NKAIN2: variants seen among roughly 807,000 people sequenced by gnomAD.
NKAIN2 encodes sodium/potassium transporting ATPase interacting 2, also known as sodium/potassium-transporting ATPase subunit beta-1-interacting protein 2.
Under a neutral mutation model 32.6 loss-of-function variants are expected in NKAIN2, and 14 were observed. That is an observed-to-expected ratio of 0.43 (90% confidence interval 0.28 to 0.67). The LOEUF (loss-of-function observed/expected upper bound fraction) is 0.67. NKAIN2 is among the 30% of genes least tolerant of loss of function. NKAIN2 has a pLI of 0.17. For synonymous variants in NKAIN2, 80 were observed against 87.2 expected (o/e 0.92, Z 0.46); for missense variants, 198 against 258.3 (o/e 0.77, Z 1.60).
chr6:124,196,326 G>A (rs1372059252), intron 1 of NKAIN2, among the ~76,000 whole-genome samples: 2 of 152,014 alleles, frequency 1.3e-5, no homozygotes, highest in Non-Finnish European at 2.9e-5. Context: ...TGCTTTCCAG[G>A]TGGCATGTAC....
At chr6:124,797,169 CAA>C (rs563319426) in intron 5 of NKAIN2, among the ~76,000 whole-genome samples, 33,073 of 86,314 alleles carry the variant, frequency 0.38, 3,763 homozygotes, top group Non-Finnish European at 0.44. Flanking sequence ...TCCATGTTAG[CAA>C]AAAAAAAAAA....
intron 1 of NKAIN2, among the ~76,000 whole-genome samples, chr6:123,814,568 G>A (rs7759116): frequency 0.13 from 19,702 of 151,934 alleles, 2,738 homozygotes; most frequent in African/African-American, 0.35. Context: ...CTTTCTTTTC[G>A]TAAGAAAGAG....
intron 4 of NKAIN2, among the ~76,000 whole-genome samples, chr6:124,776,223 T>C (rs1778976935): frequency 6.6e-6 from 1 of 152,224 alleles, no homozygotes; most frequent in African/African-American, 2.4e-5. Context: ...CATTTTTGCA[T>C]AACTATGGAC....
At chr6:124,451,086 T>C (rs548847002) in intron 3 of NKAIN2, among the ~76,000 whole-genome samples, 1 of 152,260 alleles carries the variant, frequency 6.6e-6, no homozygotes, top group South Asian at 2.1e-4. Context: ...GCACACTATC[T>C]GTAAAGTAAT....
At chr6:124,133,134 C>T (rs2114275676) in intron 1 of NKAIN2, among the ~76,000 whole-genome samples, 1 of 152,332 alleles carries the variant, frequency 6.6e-6, no homozygotes, top group Non-Finnish European at 1.5e-5. Context: ...CCACTAAAGA[C>T]ACAGTTGGGG....
At chr6:124,201,577 C>A (rs891891597) in intron 1 of NKAIN2, among the ~76,000 whole-genome samples, 2 of 151,860 alleles carry the variant, frequency 1.3e-5, no homozygotes, top group African/African-American at 2.4e-5. Context: ...CCAAAAAAAT[C>A]AATAATTGAA....
intron 5 of NKAIN2, among the ~76,000 whole-genome samples, chr6:124,806,802 A>C (rs1425240802): frequency 2.0e-5 from 3 of 151,696 alleles, no homozygotes; most frequent in African/African-American, 7.3e-5. Context: ...AGATCTACCA[A>C]GCAAATGGAA....
intron 3 of NKAIN2, among the ~76,000 whole-genome samples, chr6:124,386,122 G>A (rs1467542547): frequency 6.6e-6 from 1 of 152,024 alleles, no homozygotes; most frequent in African/African-American, 2.4e-5. Flanking sequence ...GAGCCAAGTC[G>A]GGACTGTAAG....
intron 1 of NKAIN2, among the ~76,000 whole-genome samples, chr6:123,836,552 T>C (rs1317109159): frequency 6.6e-6 from 1 of 151,556 alleles, no homozygotes; most frequent in Non-Finnish European, 1.5e-5. Context: ...CACAAAAAAT[T>C]AGGTAAGATG....
At chr6:124,145,139 A>G (rs1032106198) in intron 1 of NKAIN2, among the ~76,000 whole-genome samples, 1 of 152,224 alleles carries the variant, frequency 6.6e-6, no homozygotes, top group Non-Finnish European at 1.5e-5. Flanking sequence ...AATTCTGGTG[A>G]GGATGCACAG....
intron 3 of NKAIN2, among the ~76,000 whole-genome samples, chr6:124,418,281 T>C (rs1774586353): frequency 6.6e-6 from 1 of 151,962 alleles, no homozygotes; most frequent in African/African-American, 2.4e-5. Context: ...GCTAAGACAA[T>C]ATTTTATAAA....
chr6:123,955,644 G>A (rs1777543130), intron 1 of NKAIN2, among the ~76,000 whole-genome samples: 1 of 71,950 alleles, frequency 1.4e-5, no homozygotes, highest in Non-Finnish European at 2.8e-5. Context: ...TATTTTTTGA[G>A]ACAGGGTCTT....
intron 4 of NKAIN2, among the ~76,000 whole-genome samples, chr6:124,670,409 GAAT>G (rs1192632001): frequency 1.3e-5 from 2 of 151,880 alleles, no homozygotes; most frequent in Non-Finnish European, 2.9e-5. Context: ...GAAAAGTATA[GAAT>G]AATATTAATA....
chr6:123,888,726 G>A (rs1215677063), intron 1 of NKAIN2, among the ~76,000 whole-genome samples: 5 of 151,914 alleles, frequency 3.3e-5, no homozygotes, highest in East Asian at 1.9e-4. Context: ...CCTAGTCAGC[G>A]GCCAAATAAT....
chr6:124,450,165 T>C (rs1442289242), intron 3 of NKAIN2, among the ~76,000 whole-genome samples: 1 of 152,098 alleles, frequency 6.6e-6, no homozygotes, highest in Non-Finnish European at 1.5e-5. Context: ...CCTTTCGTGT[T>C]TATCCCCATT....
chr6:124,697,100 T>C (rs563203420), intron 4 of NKAIN2, among the ~76,000 whole-genome samples: 2 of 152,158 alleles, frequency 1.3e-5, no homozygotes, highest in Non-Finnish European at 2.9e-5. Flanking sequence ...CTTTAAATCT[T>C]GAAAAGTTTT....
rs546464490 is a variant in NKAIN2, at chr6:124,628,169, T to A, written c.274-30017T>A. Among the ~76,000 whole-genome samples the A allele has an allele frequency of 4.6e-5, 7 of 152,312 alleles. No individual in the cohort carries two copies. In the South Asian group the frequency reaches 1.4e-3, roughly 32 times the overall value. On this transcript the variant is annotated intron_variant, in intron 3 of 6. Transcript: ENST00000368417. ...GTCCACAATTCCCTCTTACATCTCC[T>A]TCTACTTAAATCTTTCCGTTCCTTT...
chr6:124,526,584 C>G (rs1305087463), intron 3 of NKAIN2, among the ~76,000 whole-genome samples: 2 of 152,070 alleles, frequency 1.3e-5, no homozygotes, highest in African/African-American at 4.8e-5. Flanking sequence ...CATGGGTTAT[C>G]TCTCATGGAC....
chr6:124,378,955 G>T (rs1221423387), intron 3 of NKAIN2, among the ~76,000 whole-genome samples: 1 of 149,060 alleles, frequency 6.7e-6, no homozygotes, highest in Non-Finnish European at 1.5e-5. Flanking sequence ...AGCTGGGCAT[G>T]GTGGTGCAAA....
Sources: allele counts gnomAD v4.1 joint callset (sites outside exome capture counted in the v4.1 genomes callset), GRCh38; gene constraint gnomAD v4.1.1; transcripts MANE v1.5; gene names NCBI Gene and HGNC (gene_info 2026-07-23, HGNC 2026-07-21).